Variants in IDE observed in about 807,000 individuals in gnomAD.
The protein encoded by IDE is insulin degrading enzyme, also known as insulin-degrading enzyme.
A neutral mutation model predicts 133.2 loss-of-function variants in IDE; 58 were observed. The ratio of observed to expected loss-of-function variants is 0.44; its 90% confidence interval spans 0.35 to 0.54. The LOEUF is 0.54. Among genes scored for constraint, IDE ranks in the 20% least tolerant of loss-of-function variants. The pLI is 0.00. For missense variants in IDE, 981 were observed against 1,234.0 expected, an observed-to-expected ratio of 0.79 and a Z score of 3.07; for synonymous variants, 396 against 421.3, an observed-to-expected ratio of 0.94 and a Z score of 0.73.
At chr10:92,510,672 CAT>C (rs555895342) in intron 5 of IDE, among the ~76,000 whole-genome samples, 103 of 151,392 alleles carry the variant, frequency 6.8e-4, no homozygotes, top group Middle Eastern at 3.4e-3. Flanking sequence ...ATACATCTCA[CAT>C]ATATGATATA....
At chr10:92,473,157 C>T (rs1846062939) in intron 17 of IDE, among the ~76,000 whole-genome samples, 1 of 151,792 alleles carries the variant, frequency 6.6e-6, no homozygotes, top group South Asian at 2.1e-4. Flanking sequence ...GTCTCCATCT[C>T]CTGACCTCGT....
chr10:92,507,007 A>G (rs1272790745), intron 9 of IDE, among the ~76,000 whole-genome samples: 1 of 152,156 alleles, frequency 6.6e-6, no homozygotes, highest in East Asian at 1.9e-4. Context: ...TCATACTAAA[A>G]TACATTTGAG....
At chr10:92,551,340 C>G (rs1454024004) in intron 1 of IDE, among the ~76,000 whole-genome samples, 1 of 151,866 alleles carries the variant, frequency 6.6e-6, no homozygotes, top group African/African-American at 2.4e-5. Context: ...GAGGCTAAGG[C>G]AGGTGGATCA....
At chr10:92,527,066 A>G (rs1329295197) in intron 4 of IDE, among the ~76,000 whole-genome samples, 2 of 152,000 alleles carry the variant, frequency 1.3e-5, no homozygotes, top group Non-Finnish European at 2.9e-5. Context: ...CTCTATCTTC[A>G]TGGGTTTTTC....
At chr10:92,478,685 C>A in intron 15 of IDE, 4 of 1,277,368 alleles carry the variant, frequency 3.1e-6, no homozygotes, top group Non-Finnish European at 4.1e-6. Flanking sequence ...ATAGCTCAAA[C>A]CTGAGAGGCG....
At chr10:92,460,916 C>T (rs770208567) in intron 22 of IDE, among the ~76,000 whole-genome samples, 2 of 152,226 alleles carry the variant, frequency 1.3e-5, no homozygotes, top group Admixed American at 6.5e-5. Context: ...TCTCCACTCA[C>T]TGCAACCTCT....
intron 11 of IDE, among the ~76,000 whole-genome samples, chr10:92,494,624 A>G (rs1022338057): frequency 3.5e-4 from 54 of 152,276 alleles, no homozygotes; most frequent in Non-Finnish European, 1.0e-4. Context: ...GAGAAAACAC[A>G]ACCTTTTCAT....
intron 15 of IDE, among the ~76,000 whole-genome samples, chr10:92,477,093 T>TA (rs1442047793): frequency 6.6e-6 from 1 of 152,010 alleles, no homozygotes; most frequent in Non-Finnish European, 1.5e-5. Context: ...TTCCAAAAGC[T>TA]AATGGCAAAA....
intron 1 of IDE, among the ~76,000 whole-genome samples, chr10:92,565,886 C>T (rs781552467): frequency 1.3e-5 from 2 of 152,108 alleles, no homozygotes; most frequent in Non-Finnish European, 2.9e-5. Context: ...AATATAATGG[C>T]CAACCCCTGA....
intron 17 of IDE, among the ~76,000 whole-genome samples, chr10:92,474,254 G>T (rs1846132369): frequency 6.6e-6 from 1 of 152,014 alleles, no homozygotes; most frequent in Non-Finnish European, 1.5e-5. Flanking sequence ...TTTTTGTAGA[G>T]ACAGAGTCTC....
chr10:92,556,197 A>G (rs1296472051), intron 1 of IDE, among the ~76,000 whole-genome samples: 6 of 151,086 alleles, frequency 4.0e-5, no homozygotes, highest in East Asian at 1.9e-4. Context: ...AAAAAAAAAA[A>G]AAAGAAAGAA....
chr10:92,566,999 G>C (rs543383387), intron 1 of IDE, among the ~76,000 whole-genome samples: 8 of 152,166 alleles, frequency 5.3e-5, no homozygotes, highest in Non-Finnish European at 1.0e-4. Context: ...TAGTAGGTCA[G>C]TATTCATCAA....
intron 19 of IDE, among the ~76,000 whole-genome samples, chr10:92,467,174 A>G (rs1026684679): frequency 6.6e-6 from 1 of 151,800 alleles, no homozygotes; most frequent in Admixed American, 6.6e-5. Context: ...TCCTGGGCTC[A>G]AGCGATCATC....
intron 2 of IDE, among the ~76,000 whole-genome samples, chr10:92,536,665 T>C (rs1842021556): frequency 7.0e-6 from 1 of 143,026 alleles, no homozygotes; most frequent in East Asian, 2.0e-4. Flanking sequence ...ACCATTGCAC[T>C]CCAGCCTGGG....
In IDE at chr10:92,473,172, C is replaced by T. The variant is rs911834986; in HGVS notation, c.2116+1669G>A. ...GTCTCCATCTCCTGACCTCGTGATC[C>T]GCCTGCCTCGGCCTCCTAAAGTGCT... On this transcript the variant is annotated intron_variant, in intron 17 of 24. Transcript: ENST00000265986. 2.8e-4 allele frequency among the ~76,000 whole-genome samples: 43 copies of T among 151,858 alleles called. 1 individual carries two copies. Among genetic ancestry groups the T allele is most frequent in the African/African-American group, 8.2e-4 (34 of 41,308 alleles).
intron 11 of IDE, among the ~76,000 whole-genome samples, chr10:92,496,781 G>C (rs1260591420): frequency 6.6e-6 from 1 of 152,112 alleles, no homozygotes; most frequent in African/African-American, 2.4e-5. Context: ...GCAAGACTCT[G>C]TCTCAAAAAA....
At chr10:92,466,622 C>CT (rs369307614) in intron 19 of IDE, among the ~76,000 whole-genome samples, 101 of 136,880 alleles carry the variant, frequency 7.4e-4, no homozygotes, top group East Asian at 2.0e-3. Flanking sequence ...TGGCCCTTTT[C>CT]TTTTTTTTTT....
chr10:92,466,230 CAAAAAAAA>C (rs59698259), intron 19 of IDE, among the ~76,000 whole-genome samples: 1 of 69,998 alleles, frequency 1.4e-5, no homozygotes, highest in Non-Finnish European at 2.6e-5. Flanking sequence ...GACCCTGTCT[CAAAAAAAA>C]AAAAAAAAAA....
At chr10:92,506,996 C>T (rs1848323397) in intron 9 of IDE, among the ~76,000 whole-genome samples, 2 of 152,012 alleles carry the variant, frequency 1.3e-5, no homozygotes, top group South Asian at 4.1e-4. Context: ...AAGGATGTTT[C>T]TCATACTAAA....
Sources: allele counts gnomAD v4.1 joint callset (sites outside exome capture counted in the v4.1 genomes callset), GRCh38; gene constraint gnomAD v4.1.1; transcripts MANE v1.5; gene names NCBI Gene and HGNC (gene_info 2026-07-23, HGNC 2026-07-21).